Variants in DCLK1 observed in about 807,000 individuals in gnomAD.
DCLK1 encodes the protein doublecortin like kinase 1.
DCLK1 carries 16 observed loss-of-function variants against 86.2 expected under a neutral mutation model. The observed-to-expected ratio is 0.19, with a 90% confidence interval of 0.13 to 0.28. The LOEUF (loss-of-function observed/expected upper bound fraction) is 0.28. Ranked by LOEUF, DCLK1 falls within the 10% of genes least tolerant of loss-of-function variation. DCLK1 has a pLI of 1.00. For synonymous variants in DCLK1, 369 were observed against 370.5 expected, an observed-to-expected ratio of 1.00 and a Z score of 0.05; for missense variants, 590 against 940.2, an observed-to-expected ratio of 0.63 and a Z score of 4.87.
intron 4 of DCLK1, among the ~76,000 whole-genome samples, chr13:35,884,472 A>G (rs1873107362): frequency 6.6e-6 from 1 of 152,238 alleles, no homozygotes; most frequent in Non-Finnish European, 1.5e-5. Flanking sequence ...AAATAGATAA[A>G]TTACTCAAGA....
intron 16 of DCLK1, among the ~76,000 whole-genome samples, chr13:35,783,274 T>C (rs1391207023): frequency 6.6e-6 from 1 of 152,068 alleles, no homozygotes; most frequent in Admixed American, 6.5e-5. Context: ...ATCTGTGGAG[T>C]GGGTGATTTG....
At chr13:36,106,229 C>T (rs1226542546) in intron 3 of DCLK1, among the ~76,000 whole-genome samples, 1 of 152,090 alleles carries the variant, frequency 6.6e-6, no homozygotes, top group East Asian at 1.9e-4. Flanking sequence ...TTAAATCTTC[C>T]CAATTTGGAG....
At chr13:36,043,359 T>A (rs1882761544) in intron 3 of DCLK1, among the ~76,000 whole-genome samples, 1 of 151,896 alleles carries the variant, frequency 6.6e-6, no homozygotes, top group Non-Finnish European at 1.5e-5. Context: ...TAAAATTAAT[T>A]TCTCAGTAAG....
At chr13:35,868,956 A>G in intron 5 of DCLK1, 1 of 357,618 alleles carries the variant, frequency 2.8e-6, no homozygotes, top group Non-Finnish European at 5.6e-6. Context: ...ATGCCTGGCT[A>G]ATTTTTGTAT....
At chr13:35,870,854 T>C (rs2153114612) in intron 5 of DCLK1, among the ~76,000 whole-genome samples, 1 of 152,292 alleles carries the variant, frequency 6.6e-6, no homozygotes, top group Non-Finnish European at 1.5e-5. Flanking sequence ...TAATAAAGGT[T>C]CAGCGAATAC....
At chr13:36,064,085 C>T (rs750723740) in intron 3 of DCLK1, among the ~76,000 whole-genome samples, 3 of 152,154 alleles carry the variant, frequency 2.0e-5, no homozygotes, top group Non-Finnish European at 2.9e-5. Context: ...CACTGGGAAG[C>T]GCCTCACAGT....
chr13:35,975,324 AG>A (rs767921659), intron 3 of DCLK1, among the ~76,000 whole-genome samples: 42 of 152,272 alleles, frequency 2.8e-4, no homozygotes, highest in Non-Finnish European at 5.4e-4. Flanking sequence ...AAAGAAGAAA[AG>A]GGGGTCTGAC....
chr13:35,888,718 C>A (rs1157519381), intron 4 of DCLK1, among the ~76,000 whole-genome samples: 6 of 152,222 alleles, frequency 3.9e-5, no homozygotes, highest in Admixed American at 6.5e-5. Flanking sequence ...ACTCTATTTG[C>A]ATTTGGCCCT....
intron 3 of DCLK1, among the ~76,000 whole-genome samples, chr13:35,980,472 C>T (rs1262237059): frequency 2.6e-5 from 4 of 151,968 alleles, no homozygotes; most frequent in East Asian, 1.9e-4. Flanking sequence ...ACACGGACTC[C>T]GTGTTCCCCC....
rs1216261982 is a variant in DCLK1 at position 35,772,761 on chromosome 13, A to G, written c.*1774T>C. ...GAACCTAAATGTAAAAGAGCAAAAAATTTTGGTGATGGTGTTGCAAAAGTA... is the reference window on the plus strand; with the variant it reads ...GAACCTAAATGTAAAAGAGCAAAAAGTTTTGGTGATGGTGTTGCAAAAGTA... On this transcript the variant is annotated 3_prime_UTR_variant, in exon 17 of 17. Transcript: ENST00000360631. The G allele has an allele frequency of 2.0e-5, 3 of 152,156 alleles. No homozygotes were observed. The highest frequency in any genetic ancestry group is 4.4e-5 in the Non-Finnish European group (3 of 68,042). The allele number at this position is 152,156 out of a possible 1,614,324, so 9.4% of individuals were successfully genotyped here.
chr13:36,101,454 C>T (rs1198613192), intron 3 of DCLK1, among the ~76,000 whole-genome samples: 7 of 152,190 alleles, frequency 4.6e-5, no homozygotes, highest in Non-Finnish European at 7.3e-5. Context: ...AATAAAACTG[C>T]GAAATCAGCT....
chr13:35,992,000 TA>T (rs961395645), intron 3 of DCLK1, among the ~76,000 whole-genome samples: 5 of 152,228 alleles, frequency 3.3e-5, no homozygotes, highest in Non-Finnish European at 7.3e-5. Flanking sequence ...TATTTAATTA[TA>T]AAAATTATGT....
At chr13:35,930,966 C>T (rs545786593) in intron 4 of DCLK1, among the ~76,000 whole-genome samples, 2 of 152,294 alleles carry the variant, frequency 1.3e-5, no homozygotes, top group East Asian at 3.9e-4. Context: ...GAATTGCTGT[C>T]TGTTTAAATA....
chr13:35,923,197 T>C lies in DCLK1; in HGVS notation c.823+24161A>G, dbSNP rs144090179. ...GATCTCCCAGGGTTGTGCACTGAAA[T>C]AAAGGATTGTGACCAGATGAAAGCA... is the stretch of plus-strand genomic sequence containing the variant. On this transcript the variant is annotated intron_variant, in intron 4 of 16. Coordinates refer to ENST00000360631, the MANE Select transcript of DCLK1 (RefSeq NM_001330071.2). Among the ~76,000 whole-genome samples, 24 of 151,752 alleles carry C rather than the reference T, an allele frequency of 1.6e-4. No individual in the cohort carries two copies. The East Asian group carries it at 4.5e-3, about 28-fold the overall frequency.
chr13:35,851,976 C>T (rs181001918), intron 6 of DCLK1, among the ~76,000 whole-genome samples: 4 of 148,750 alleles, frequency 2.7e-5, no homozygotes, highest in African/African-American at 5.0e-5. Context: ...GCAAGGCGCG[C>T]GTGTGTGCAT....
intron 3 of DCLK1, among the ~76,000 whole-genome samples, chr13:36,095,636 A>T (rs2138148053): frequency 6.6e-6 from 1 of 152,308 alleles, no homozygotes; most frequent in East Asian, 1.9e-4. Context: ...TGGACATATA[A>T]ATTCCACCAC....
At chr13:35,850,942 A>G (rs527748610) in intron 6 of DCLK1, among the ~76,000 whole-genome samples, 1 of 152,296 alleles carries the variant, frequency 6.6e-6, no homozygotes, top group South Asian at 2.1e-4. Context: ...GAAACCATCT[A>G]AATAAACAAA....
chr13:35,826,946 C>T (rs1258315573), intron 10 of DCLK1, among the ~76,000 whole-genome samples: 2 of 152,180 alleles, frequency 1.3e-5, no homozygotes, highest in Admixed American at 1.3e-4. Context: ...GAGAACACAA[C>T]AGCTTCATGA....
Position 36,126,165 on chromosome 13 carries a change from C to A in DCLK1, c.-19-9G>T, listed in dbSNP as rs367574248. 2.5e-5 allele frequency: 39 copies of A among 1,538,908 alleles called. No individual in the cohort carries two copies. The South Asian group carries it at 2.7e-4, about 11-fold the overall frequency. On this transcript the variant is annotated splice_polypyrimidine_tract_variant and intron_variant, in intron 1 of 16. Transcript: ENST00000360631. Reference sequence around the variant, plus strand: ...TGGACTTCAAGTAGGACCTACGAGCCCCAGAAACAAAAGCAGACACACATA... The same window carrying A: ...TGGACTTCAAGTAGGACCTACGAGCACCAGAAACAAAAGCAGACACACATA...
Sources: allele counts gnomAD v4.1 joint callset (sites outside exome capture counted in the v4.1 genomes callset), GRCh38; gene constraint gnomAD v4.1.1; transcripts MANE v1.5; gene names NCBI Gene and HGNC (gene_info 2026-07-23, HGNC 2026-07-21).